The following CAPN12 variants were observed in gnomAD, a reference collection of about 807,000 sequenced individuals.
The protein encoded by CAPN12 is calpain 12, also known as calpain-12.
A neutral mutation model predicts 95.0 loss-of-function variants in CAPN12; 107 were observed. The ratio of observed to expected loss-of-function variants is 1.13; its 90% CI spans 0.96 to 1.32. The LOEUF is 1.32. Ranked by LOEUF, CAPN12 falls within the 40% of genes most tolerant of loss-of-function variation. The pLI, the probability that CAPN12 is intolerant of heterozygous loss-of-function variation, is 0.00. For synonymous variants in CAPN12, 505 were observed against 415.5 expected (o/e 1.22, Z -2.62); for missense variants, 1,136 against 997.8 (o/e 1.14, Z -1.87).
At chr19:38,743,144 G>A (rs757181413) in intron 1 of CAPN12, 42 bp from the exon 2 acceptor site, 23 of 1,611,000 alleles carry the variant, frequency 1.4e-5, no homozygotes, top group African/African-American at 4.0e-5. Flanking sequence ...CTGAGAAAGC[G>A]AGGAAAGGTC....
chr19:38,744,353 G>A lies in CAPN12; in HGVS notation c.-188C>T, dbSNP rs1004165629. ...TCTTCAGTAGCTTTCTTCCCAGGGC[G>A]TGGGGCCTTCAGTTGTGGCCAAGGT... is the stretch of plus-strand genomic sequence containing the variant. On this transcript the variant is annotated 5_prime_UTR_variant, in exon 1 of 21. In the 5' UTR this introduces an upstream ATG that the reference lacks. Coordinates refer to ENST00000328867, the MANE Select transcript of CAPN12 (RefSeq NM_144691.4). 5.6e-5 allele frequency: 35 copies of A among 624,422 alleles called. No individual in the cohort carries two copies. Among genetic ancestry groups the A allele is most frequent in the Admixed American group, 2.0e-4 (7 of 35,220 alleles). 38.7% of individuals were successfully genotyped at this position (624,422 alleles called of 1,614,324 possible). A position where few individuals can be genotyped will look rare whatever the true frequency, so the allele number is the denominator to read the frequency against.
In CAPN12 at chr19:38,742,481, G is replaced by A. The variant is rs148606134; in HGVS notation, c.355C>T (p.Arg119Trp). ...AAAASLTLYP[R>W]LLRRVVPPGQ... ...GGAGGGACCACCCGGCGCAGGAGCC[G>A]GGGATACAGAGTAAGGGAGGCGGCA... Residue 119 changes from arginine (R) to tryptophan (W), a missense_variant, in exon 3 of 21, where the codon CGG (arginine) becomes TGG (tryptophan). Arg to Trp is a moderately radical substitution (Grantham distance 101, BLOSUM62 -3). Coordinates refer to ENST00000328867, the MANE Select transcript of CAPN12 (RefSeq NM_144691.4). 1.1e-4 allele frequency: 175 copies of A among 1,613,690 alleles called. 3 individuals are homozygous for A. The highest frequency in any genetic ancestry group is 4.0e-4 in the South Asian group (36 of 91,044).
At position 38,740,231 on chromosome 19, in the gene CAPN12, G is replaced by A; in HGVS notation, c.561-12C>T. Reference sequence around the variant, plus strand: ...AGGAGCCGTGGAGCCTGTGGGGGCAGATCTGGGGTGAGGGTTGAGGCAAGT... The same window carrying A: ...AGGAGCCGTGGAGCCTGTGGGGGCAAATCTGGGGTGAGGGTTGAGGCAAGT... On this transcript the variant is annotated splice_polypyrimidine_tract_variant and intron_variant, in intron 4 of 20. Coordinates refer to ENST00000328867, the MANE Select transcript of CAPN12 (RefSeq NM_144691.4). The A allele has an allele frequency of 6.3e-7, 1 of 1,588,628 alleles. No individual in the cohort carries two copies. The highest frequency in any genetic ancestry group is 8.6e-7 in the Non-Finnish European group (1 of 1,167,362).
At chr19:38,734,751 G>A (rs541720856) in intron 15 of CAPN12, 62 bp downstream of exon 15, 167 of 1,507,946 alleles carry the variant, frequency 1.1e-4, no homozygotes, top group South Asian at 4.0e-4. Context: ...GGGTGGCACC[G>A]GCTCTGGTTG....
chr19:38,732,048 G>A (rs188396196), intron 18 of CAPN12, among the ~76,000 whole-genome samples: 11 of 152,376 alleles, frequency 7.2e-5, no homozygotes, highest in South Asian at 2.1e-4. Flanking sequence ...GGAAGGACCC[G>A]AGAAGGCGCT....
Position 38,740,093 on chromosome 19 carries a change from G to A in CAPN12, c.687C>T (p.Arg229=). The A allele has an allele frequency of 1.2e-6, 2 of 1,612,146 alleles. No individual in the cohort carries two copies. The highest frequency in any genetic ancestry group is 8.5e-7 in the Non-Finnish European group (1 of 1,179,216). Residue 229 remains arginine, a synonymous_variant, in exon 5 of 21, where the codon CGC becomes CGT. Coordinates refer to ENST00000328867, the MANE Select transcript of CAPN12 (RefSeq NM_144691.4). ...QNSMGLFSAL[R]HALAKESLVG... is the part of the protein sequence containing the mutation. ...CGAGGGACTCCTTGGCCAGGGCATG[G>A]CGCAGGGCAGAGAACAGCCCCATGC...
rs938767129 is a variant in CAPN12 at position 38,740,056 on chromosome 19, C to T, written c.724G>A (p.Ala242Thr). Reference protein sequence around the residue: ...LAKESLVGATALSDRGEYRTE... With the variant: ...LAKESLVGATTLSDRGEYRTE... ...TGCGAGTCCAGGTCTCTTACCAGGG[C>T]AGTGGCGCCCACGAGGGACTCCTTG... is the stretch of plus-strand genomic sequence containing the variant. The change falls in exon 5 of 21, where the codon GCC becomes ACC. Residue 242 changes from alanine (A) to threonine (T), a missense_variant. Coordinates refer to ENST00000328867, the MANE Select transcript of CAPN12 (RefSeq NM_144691.4). 9 of 1,585,598 alleles carry T rather than the reference C, an allele frequency of 5.7e-6. No homozygotes were observed. Among genetic ancestry groups the T allele is most frequent in the South Asian group, 1.1e-5 (1 of 87,656 alleles).
chr19:38,738,146 C>T lies in CAPN12; in HGVS notation c.965+127G>A, dbSNP rs990176840. The stretch of plus-strand genomic sequence containing the variant: ...TTGATTTCCCAAAATAGAACCTGGC[C>T]CCAAAATTACCACCGATGTACACAG... On this transcript the variant is annotated intron_variant, in intron 8 of 20. Transcript: ENST00000328867. 30 of 920,554 alleles carry T rather than the reference C, an allele frequency of 3.3e-5. No homozygotes were observed. The African/African-American group carries it at 4.5e-4, about 14-fold the overall frequency. The allele number at this position is 920,554 out of a possible 1,614,324, so 57.0% of individuals were successfully genotyped here. A position where few individuals can be genotyped will look rare whatever the true frequency, so the allele number is the denominator to read the frequency against.
At chr19:38,735,289 T>TGA in intron 14 of CAPN12, 81 bp downstream of exon 14, 1 of 1,374,212 alleles carries the variant, frequency 7.3e-7, no homozygotes, top group South Asian at 1.4e-5. Context: ...ATGAGACACC[T>TGA]GAGATGCTGG....
chr19:38,740,235 T>C lies in CAPN12; in HGVS notation c.561-16A>G. The C allele has an allele frequency of 1.3e-6, 2 of 1,586,660 alleles. No homozygotes were observed. The highest frequency in any genetic ancestry group is 1.7e-6 in the Non-Finnish European group (2 of 1,166,334). On this transcript the variant is annotated splice_polypyrimidine_tract_variant and intron_variant, in intron 4 of 20. Coordinates refer to ENST00000328867, the MANE Select transcript of CAPN12 (RefSeq NM_144691.4). ...GCCGTGGAGCCTGTGGGGGCAGATCTGGGGTGAGGGTTGAGGCAAGTACAA... is the reference window on the plus strand; with the variant it reads ...GCCGTGGAGCCTGTGGGGGCAGATCCGGGGTGAGGGTTGAGGCAAGTACAA...
chr19:38,736,811 G>T (rs1970208533), intron 10 of CAPN12: 1 of 574,628 alleles, frequency 1.7e-6, no homozygotes, highest in Non-Finnish European at 3.0e-6. Context: ...CTAACCCCCA[G>T]CCTCTCTCTG....
chr19:38,742,008 C>T, intron 3 of CAPN12, 98 bp from the exon 4 acceptor site: 5 of 1,510,886 alleles, frequency 3.3e-6, no homozygotes, highest in Non-Finnish European at 4.5e-6. Flanking sequence ...GGAATTACAG[C>T]CCCAAGTCAA....
Position 38,736,373 on chromosome 19 carries a change from C to G in CAPN12, c.1375-55G>C, listed in dbSNP as rs1421289391. Reference sequence around the variant, plus strand: ...AGGCTCACCCCCGGCCCTTCATCCCCGCACCCTCCAGCGCGCCCCGTCCAC... The same window carrying G: ...AGGCTCACCCCCGGCCCTTCATCCCGGCACCCTCCAGCGCGCCCCGTCCAC... On this transcript the variant is annotated intron_variant, in intron 11 of 20. Coordinates refer to ENST00000328867, the MANE Select transcript of CAPN12 (RefSeq NM_144691.4). 3 of 1,481,514 alleles carry G rather than the reference C, an allele frequency of 2.0e-6. No individual in the cohort carries two copies. In the East Asian group the frequency reaches 7.7e-5, roughly 38 times the overall value. 91.8% of individuals were successfully genotyped at this position (1,481,514 alleles called of 1,614,324 possible).
chr19:38,741,214 T>C (rs1457054230), intron 4 of CAPN12, among the ~76,000 whole-genome samples: 1 of 152,036 alleles, frequency 6.6e-6, no homozygotes, highest in African/African-American at 2.4e-5. Flanking sequence ...TCCTTAAGAA[T>C]TATGAGTGAC....
rs372068210 is a variant in CAPN12 at position 38,742,300 on chromosome 19, G to C, written c.426+110C>G. ...GCCGAGATTGTGCCACTGCACTCCAGCCTGGATGACAGAGTGAGATTCCAT... is the reference window on the plus strand; with the variant it reads ...GCCGAGATTGTGCCACTGCACTCCACCCTGGATGACAGAGTGAGATTCCAT... On this transcript the variant is annotated intron_variant, in intron 3 of 20. Transcript: ENST00000328867. 1.9e-3 allele frequency: 1,681 copies of C among 862,170 alleles called. 26 individuals carry two copies. The South Asian group carries it at 0.02, about 10-fold the overall frequency. 53.4% of individuals were successfully genotyped at this position (862,170 alleles called of 1,614,324 possible).
At chr19:38,733,399 C>A in intron 18 of CAPN12, 1 of 387,528 alleles carries the variant, frequency 2.6e-6, no homozygotes, top group Admixed American at 4.2e-5. Flanking sequence ...GGGGCCAGAC[C>A]CTCTCAGATA....
intron 3 of CAPN12, 39 bp downstream of exon 3, chr19:38,742,371 G>T: frequency 2.2e-6 from 3 of 1,382,886 alleles, no homozygotes; most frequent in Non-Finnish European, 3.1e-6. Flanking sequence ...AAGTCACCAT[G>T]GGGGAAACGG....
chr19:38,743,295 G>GT, intron 1 of CAPN12, among the ~76,000 whole-genome samples, 193 bp from the exon 2 acceptor site: 2 of 147,810 alleles, frequency 1.4e-5, no homozygotes, highest in African/African-American at 5.0e-5. Context: ...GGGAGTCCAG[G>GT]CCCAGCCCCT....
At position 38,730,777 on chromosome 19, in the gene CAPN12, T is replaced by C. The variant is rs1285954900; in HGVS notation, c.*75A>G. On this transcript the variant is annotated 3_prime_UTR_variant, in exon 21 of 21. Transcript: ENST00000328867. ...TGGATGCCAGAGAGAGTGGCACCCA[T>C]GCCAGGCAAGGCCTAGGGAGGTGGT... The C allele has an allele frequency of 5.2e-6, 8 of 1,528,250 alleles. No individual in the cohort carries two copies. Among genetic ancestry groups the C allele is most frequent in the Non-Finnish European group, 7.1e-6 (8 of 1,129,126 alleles). The allele number at this position is 1,528,250 out of a possible 1,614,324, so 94.7% of individuals were successfully genotyped here.
Sources: allele counts gnomAD v4.1 joint callset (sites outside exome capture counted in the v4.1 genomes callset), GRCh38; gene constraint gnomAD v4.1.1; transcripts MANE v1.5; gene names NCBI Gene and HGNC (gene_info 2026-07-23, HGNC 2026-07-21).